MYO6: variants seen among roughly 807,000 people sequenced by gnomAD.
The protein encoded by MYO6 is myosin VI, also known as unconventional myosin-VI.
In MYO6, 74 loss-of-function variants were observed where a neutral mutation model predicts 178.7. The ratio of observed to expected loss-of-function variants is 0.41; its 90% CI spans 0.34 to 0.50. The LOEUF is 0.50. MYO6 is among the 20% of genes least tolerant of loss of function. The pLI is 0.09. For synonymous variants in MYO6, 477 were observed against 504.6 expected (o/e 0.95, Z 0.73); for missense variants, 1,330 against 1,547.4 (o/e 0.86, Z 2.36).
chr6:75,809,349 G>A (rs777649421), intron 1 of MYO6, among the ~76,000 whole-genome samples: 7 of 152,190 alleles, frequency 4.6e-5, no homozygotes, highest in South Asian at 4.1e-4. Context: ...CAAGGGCATG[G>A]AAAGTCTTGC....
intron 20 of MYO6, among the ~76,000 whole-genome samples, chr6:75,876,056 C>T (rs1331881995): frequency 6.6e-6 from 1 of 152,100 alleles, no homozygotes; most frequent in Non-Finnish European, 1.5e-5. Context: ...CATATTTCCT[C>T]CCAGCACAGG....
Position 75,907,629 on chromosome 6 carries a change from A to G in MYO6, c.3201A>G (p.Lys1067=). The change falls in exon 31 of 35, where the codon AAA becomes AAG. Residue 1067 remains lysine, a synonymous_variant. Transcript: ENST00000369977. Reference sequence around the variant, plus strand: ...GAGGTCCTGCTGTACTAGCCACCAAAGCAGCTGCTGGTACTAAGAAATATG... The same window carrying G: ...GAGGTCCTGCTGTACTAGCCACCAAGGCAGCTGCTGGTACTAAGAAATATG... The part of the protein sequence containing the change: ...LSRGPAVLAT[K]AAAGTKKYDL... 6.2e-7 allele frequency: 1 copy of G among 1,613,566 alleles called. No homozygotes were observed. Among genetic ancestry groups the G allele is most frequent in the Non-Finnish European group, 8.5e-7 (1 of 1,179,692 alleles).
intron 25 of MYO6, 115 bp downstream of exon 25, chr6:75,887,109 T>C: frequency 1.1e-6 from 1 of 917,246 alleles, no homozygotes. Flanking sequence ...CAAAATGTGT[T>C]GAGACTCAAT....
intron 1 of MYO6, among the ~76,000 whole-genome samples, chr6:75,805,021 A>ATATATATATATTTTTT (rs1252912172): frequency 1.3e-4 from 10 of 77,280 alleles, no homozygotes; most frequent in African/African-American, 9.1e-4. Flanking sequence ...ATATATATAT[A>ATATATATATATTTTTT]TTTTTTTTTT....
At chr6:75,875,993 C>T (rs1777540482) in intron 20 of MYO6, among the ~76,000 whole-genome samples, 1 of 152,164 alleles carries the variant, frequency 6.6e-6, no homozygotes, top group Non-Finnish European at 1.5e-5. Context: ...CACTCTCTCC[C>T]TCCCTTCTCT....
At chr6:75,803,127 G>T (rs1051682201) in intron 1 of MYO6, among the ~76,000 whole-genome samples, 2 of 152,086 alleles carry the variant, frequency 1.3e-5, no homozygotes, top group Non-Finnish European at 2.9e-5. Flanking sequence ...TATAGTTTAT[G>T]ATTTCTTCTC....
At chr6:75,894,732 G>A in intron 28 of MYO6, 1 of 868,746 alleles carries the variant, frequency 1.2e-6, no homozygotes, top group South Asian at 2.6e-5. Flanking sequence ...GCATGATGTT[G>A]TTGGGTTCTA....
At chr6:75,826,774 T>A (rs1185283823) in intron 3 of MYO6, among the ~76,000 whole-genome samples, 1 of 152,146 alleles carries the variant, frequency 6.6e-6, no homozygotes. Flanking sequence ...TACTCTCTTT[T>A]ATTCTGCCCT....
At chr6:75,816,253 C>T (rs1771233434) in intron 1 of MYO6, among the ~76,000 whole-genome samples, 1 of 152,198 alleles carries the variant, frequency 6.6e-6, no homozygotes, top group Non-Finnish European at 1.5e-5. Context: ...TGAAAGAATA[C>T]ATACTGTATG....
At chr6:75,901,955 A>T (rs1419725700) in intron 30 of MYO6, among the ~76,000 whole-genome samples, 1 of 152,174 alleles carries the variant, frequency 6.6e-6, no homozygotes, top group Non-Finnish European at 1.5e-5. Context: ...ATTTTGTCAA[A>T]AGCCTTTTCT....
At chr6:75,858,694 A>G (rs898142651) in intron 13 of MYO6, among the ~76,000 whole-genome samples, 5 of 152,204 alleles carry the variant, frequency 3.3e-5, no homozygotes, top group African/African-American at 2.4e-5. Flanking sequence ...TTATTTGTCA[A>G]CTGAAGCAGG....
rs1449583682 is a variant in MYO6 at position 75,883,247 on chromosome 6, AAAC to A, written c.2416+1431_2416+1433del. Among the ~76,000 whole-genome samples, 9 of 152,166 alleles carry A rather than the reference AAAC, an allele frequency of 5.9e-5. No individual in the cohort carries two copies. The East Asian group carries it at 1.7e-3, about 29-fold the overall frequency. ...GTGAAAATAAAAACAAAGAAAAAAA[AAAC>A]ACCCAAAACTAAAAAGGAAGTTTGA... On this transcript the variant is annotated intron_variant, in intron 23 of 34. Coordinates refer to ENST00000369977, the MANE Select transcript of MYO6 (RefSeq NM_004999.4).
At chr6:75,887,639 C>CAAA (rs71002772) in intron 25 of MYO6, among the ~76,000 whole-genome samples, 4,406 of 107,696 alleles carry the variant, frequency 0.041, 166 homozygotes, top group Non-Finnish European at 0.048. Flanking sequence ...GACTCCATCT[C>CAAA]AAAAAAAAAA....
chr6:75,804,964 T>G lies in MYO6; in HGVS notation c.-47-12537T>G, dbSNP rs1769877903. On this transcript the variant is annotated intron_variant, in intron 1 of 34. Transcript: ENST00000369977. The stretch of plus-strand genomic sequence containing the variant: ...ATATATACACATATGTACACATATA[T>G]ACACATATATACACACACATATATA... Among the ~76,000 whole-genome samples the G allele has an allele frequency of 2.1e-5, 3 of 143,048 alleles. No homozygotes were observed. In the Admixed American group the frequency reaches 2.1e-4, roughly 10 times the overall value. 93.8% of individuals were successfully genotyped at this position (143,048 alleles called of 152,430 possible).
In MYO6 at chr6:75,886,340, C is replaced by G. The variant is rs147934862; in HGVS notation, c.2507+246C>G. On this transcript the variant is annotated intron_variant, in intron 24 of 34. Transcript: ENST00000369977. ...ACAAAAATGTGTAAAGACTATAAAA[C>G]AAGAAGTAAGTAGTTGAGAGAAGCT... 2.1e-3 allele frequency among the ~76,000 whole-genome samples: 321 copies of G among 152,194 alleles called. 2 individuals are homozygous for G. Among genetic ancestry groups the G allele is most frequent in the African/African-American group, 7.5e-3 (313 of 41,550 alleles).
rs1205545327 is a variant in MYO6 at position 75,835,939 on chromosome 6, A to G, written c.536A>G (p.Asp179Gly). 1.9e-6 allele frequency: 3 copies of G among 1,608,020 alleles called. No homozygotes were observed. Among genetic ancestry groups the G allele is most frequent in the African/African-American group, 2.7e-5 (2 of 74,794 alleles). The change falls in exon 7 of 35, where the codon GAT becomes GGT. Residue 179 changes from aspartate to glycine, a missense_variant. Transcript: ENST00000369977. ...TESYGTGQDI[D>G]DRIVEANPLL... is the part of the protein sequence containing the mutation. ...TCCTATGGAACAGGTCAAGATATTGATGACAGAATTGTTGAAGGTATTGCT... is the reference window on the plus strand; with the variant it reads ...TCCTATGGAACAGGTCAAGATATTGGTGACAGAATTGTTGAAGGTATTGCT...
intron 33 of MYO6, among the ~76,000 whole-genome samples, chr6:75,911,987 T>C (rs192567004): frequency 1.9e-4 from 29 of 152,166 alleles, no homozygotes; most frequent in African/African-American, 6.5e-4. Flanking sequence ...ACAATTCTTA[T>C]TGTAGCAAAA....
At position 75,881,769 on chromosome 6, in the gene MYO6, A is replaced by C. The variant is rs1562280581; in HGVS notation, c.2367A>C (p.Thr789=). The change falls in exon 23 of 35, where the codon ACA becomes ACC. Residue 789 remains threonine (T), a synonymous_variant. Coordinates refer to ENST00000369977, the MANE Select transcript of MYO6 (RefSeq NM_004999.4). ...ELVKRVNHWL[T]CSRWKKVQWC... is the part of the protein sequence containing the mutation. ...TTAAAAGAGTCAATCACTGGCTCAC[A>C]TGCAGTCGCTGGAAGAAAGTTCAGT... The C allele has an allele frequency of 6.2e-7, 1 of 1,613,908 alleles. No individual in the cohort carries two copies. Among genetic ancestry groups the C allele is most frequent in the East Asian group, 2.2e-5 (1 of 44,876 alleles).
Position 75,914,357 on chromosome 6 carries a change from T to C in MYO6, c.3658+76T>C, listed in dbSNP as rs1780994986. On this transcript the variant is annotated intron_variant, in intron 34 of 34. Transcript: ENST00000369977. The stretch of plus-strand genomic sequence containing the variant: ...ACTCTCTGAATGAAACATTCTAATG[T>C]ATAATATAATAATTTATTACATTTC... 8 of 1,361,442 alleles carry C rather than the reference T, an allele frequency of 5.9e-6. No individual in the cohort carries two copies. The South Asian group carries it at 9.5e-5, about 16-fold the overall frequency. 84.3% of individuals were successfully genotyped at this position (1,361,442 alleles called of 1,614,324 possible). A position where few individuals can be genotyped will look rare whatever the true frequency, so the allele number is the denominator to read the frequency against.
Sources: allele counts gnomAD v4.1 joint callset (sites outside exome capture counted in the v4.1 genomes callset), GRCh38; gene constraint gnomAD v4.1.1; transcripts MANE v1.5; gene names NCBI Gene and HGNC (gene_info 2026-07-23, HGNC 2026-07-21).